MAST3: variants seen among roughly 807,000 people sequenced by gnomAD.
MAST3 encodes the protein microtubule-associated serine/threonine-protein kinase 3.
Under a neutral mutation model 127.0 loss-of-function variants are expected in MAST3, and 43 were observed. The observed-to-expected ratio is 0.34, with a 90% CI of 0.27 to 0.44. The LOEUF is 0.44. Among genes scored for constraint, MAST3 ranks in the 20% least tolerant of loss-of-function variants. MAST3 has a pLI of 1.00. For synonymous variants in MAST3, 785 were observed against 809.2 expected (o/e 0.97, Z 0.51); for missense variants, 1,390 against 1,919.1 (o/e 0.72, Z 5.15).
chr19:18,144,512 C>T lies in MAST3; in HGVS notation c.2631C>T (p.Ile877=), dbSNP rs765399056. Residue 877 remains isoleucine (I), a synonymous_variant, in exon 23 of 28, where the codon ATC becomes ATT. Transcript: ENST00000687212. This position sits in a 1 kb window ranked among gnomAD's most constrained non-coding sequence, Gnocchi z 4.0. ...ACGCCCGCCTACGGAGCAATAGCAT[C>T]GGCGCCCGACACTCCACACCAAGGC... ...LSHARLRSNS[I]GARHSTPRPL... The T allele has an allele frequency of 6.0e-5, 96 of 1,605,998 alleles. No homozygotes were observed. Among genetic ancestry groups the T allele is most frequent in the Non-Finnish European group, 7.7e-5 (91 of 1,177,816 alleles).
chr19:18,131,896 G>A lies in MAST3; in HGVS notation c.1433-13G>A, dbSNP rs1237713553. ...TGCCCCGGGCCTCATGACTACATCC[G>A]CCCTTCTCCCAGGCGGCGACTGCGC... On this transcript the variant is annotated splice_polypyrimidine_tract_variant and intron_variant, in intron 14 of 27. Transcript: ENST00000687212. 1.9e-6 allele frequency: 3 copies of A among 1,564,140 alleles called. No individual in the cohort carries two copies. The highest frequency in any genetic ancestry group is 1.2e-5 in the South Asian group (1 of 86,218).
At chr19:18,126,654 A>T (rs2040658461) in intron 11 of MAST3, among the ~76,000 whole-genome samples, 1 of 152,170 alleles carries the variant, frequency 6.6e-6, no homozygotes, top group African/African-American at 2.4e-5. Flanking sequence ...CTATAGTCCT[A>T]GCTACTTGCG....
chr19:18,116,090 C>CTTTTTTTTTTT lies in MAST3; in HGVS notation c.161+5360_161+5370dup, dbSNP rs3048876. On this transcript the variant is annotated intron_variant, in intron 3 of 27. Coordinates refer to ENST00000687212, the MANE Select transcript of MAST3 (RefSeq NM_001393504.1). ...TCTCAGCCTTGGTATTTGAAATTAT[C>CTTTTTTTTTTT]TTTTTTTTTTTTTTTTTTTTTGAGA... Among the ~76,000 whole-genome samples the CTTTTTTTTTTT allele has an allele frequency of 8.6e-4, 74 of 86,348 alleles. 8 individuals are homozygous for CTTTTTTTTTTT. Among genetic ancestry groups the CTTTTTTTTTTT allele is most frequent in the African/African-American group, 2.9e-3 (54 of 18,376 alleles). 56.6% of individuals were successfully genotyped at this position (86,348 alleles called of 152,430 possible).
At position 18,102,481 on chromosome 19, in the gene MAST3, C is replaced by CT. The variant is rs147386221; in HGVS notation, c.39+4668dup. 8.5e-3 allele frequency among the ~76,000 whole-genome samples: 1,121 copies of CT among 131,694 alleles called. 16 individuals are homozygous for CT. Among genetic ancestry groups the CT allele is most frequent in the African/African-American group, 0.021 (739 of 35,730 alleles). The allele number at this position is 131,694 out of a possible 152,430, so 86.4% of individuals were successfully genotyped here. ...GGCATGAGCCACTGCGCCCGGCCACCTTTTTTTTTTTTTTTTTTGAGACGG... is the reference window on the plus strand; with the variant it reads ...GGCATGAGCCACTGCGCCCGGCCACCTTTTTTTTTTTTTTTTTTTGAGACGG... On this transcript the variant is annotated intron_variant, in intron 1 of 27. Coordinates refer to ENST00000687212, the MANE Select transcript of MAST3 (RefSeq NM_001393504.1).
At chr19:18,119,176 T>G (rs1240428268) in intron 3 of MAST3, among the ~76,000 whole-genome samples, 1 of 152,182 alleles carries the variant, frequency 6.6e-6, no homozygotes, top group Admixed American at 6.5e-5. Flanking sequence ...CAGATGATGC[T>G]TAGTTCTCCT....
In MAST3 at chr19:18,110,781, C is replaced by T. The variant is rs1054043472; in HGVS notation, c.161+40C>T. The T allele has an allele frequency of 3.2e-6, 3 of 941,894 alleles. No individual in the cohort carries two copies. In the African/African-American group the frequency reaches 5.3e-5, roughly 17 times the overall value. The allele number at this position is 941,894 out of a possible 1,614,324, so 58.3% of individuals were successfully genotyped here. On this transcript the variant is annotated intron_variant, in intron 3 of 27. Transcript: ENST00000687212. This position sits in a 1 kb window ranked among gnomAD's most constrained non-coding sequence, Gnocchi z 4.3. ...GTGTGGGCGGGGCGCAGACATCGCC[C>T]TGGCACCCCAGAGCCTTGGAAACCC...
chr19:18,117,970 G>C (rs952058011), intron 3 of MAST3: 6 of 295,666 alleles, frequency 2.0e-5, no homozygotes, highest in African/African-American at 1.4e-4. Context: ...GCCCCCAACG[G>C]CCCCGCCCCC....
chr19:18,100,973 A>C (rs2037556300), intron 1 of MAST3, among the ~76,000 whole-genome samples: 1 of 152,204 alleles, frequency 6.6e-6, no homozygotes, highest in South Asian at 2.1e-4. Context: ...GAAAGGTCTG[A>C]AAAAGGATCC....
chr19:18,138,234 C>A (rs1303087400), intron 19 of MAST3, among the ~76,000 whole-genome samples: 1 of 145,824 alleles, frequency 6.9e-6, no homozygotes, highest in Non-Finnish European at 1.5e-5. Context: ...AAAAAAGATG[C>A]GCAATTTTAC....
chr19:18,130,911 T>A (rs905399167), intron 14 of MAST3, among the ~76,000 whole-genome samples: 1 of 152,034 alleles, frequency 6.6e-6, no homozygotes, highest in African/African-American at 2.4e-5. Context: ...TGTGTGAGGA[T>A]GGGACCCTGG....
chr19:18,117,356 T>C (rs537164033), intron 3 of MAST3, among the ~76,000 whole-genome samples: 54 of 152,338 alleles, frequency 3.5e-4, no homozygotes, highest in Middle Eastern at 6.8e-3. Flanking sequence ...TTGAGGAGAC[T>C]GAGGCTGGAG....
At chr19:18,099,502 GT>G (rs1455273669) in intron 1 of MAST3, among the ~76,000 whole-genome samples, 1 of 152,016 alleles carries the variant, frequency 6.6e-6, no homozygotes, top group Non-Finnish European at 1.5e-5. Flanking sequence ...CTGTTCCATG[GT>G]GGGGGGGTCA....
intron 5 of MAST3, 195 bp downstream of exon 5, chr19:18,122,117 C>G: frequency 1.0e-6 from 1 of 985,170 alleles, no homozygotes; most frequent in Non-Finnish European, 1.2e-6. Flanking sequence ...CCACATCCCA[C>G]GCATGGACAG....
At chr19:18,143,405 G>A (rs570851563) in intron 21 of MAST3, among the ~76,000 whole-genome samples, 13 of 152,198 alleles carry the variant, frequency 8.5e-5, no homozygotes, top group African/African-American at 1.7e-4. Context: ...GTGTAACCCC[G>A]TCTCTACTAA....
rs2037469931 is a variant in MAST3 at position 18,100,158 on chromosome 19, T to C, written c.39+2327T>C. On this transcript the variant is annotated intron_variant, in intron 1 of 27. Transcript: ENST00000687212. ...TTTTTTTTTTGAGAAAGAATCATGC[T>C]CTGTTACCCAGGCTGGAGTCCAGTG... 2.7e-5 allele frequency among the ~76,000 whole-genome samples: 4 copies of C among 146,752 alleles called. No individual in the cohort carries two copies. In the South Asian group the frequency reaches 8.5e-4, roughly 31 times the overall value.
chr19:18,104,745 TCCCTGCCAGTAAAACAGC>T (rs1298750828), intron 1 of MAST3, among the ~76,000 whole-genome samples: 2 of 152,118 alleles, frequency 1.3e-5, no homozygotes, highest in African/African-American at 4.8e-5. Flanking sequence ...CACCTAAGTT[TCCCTGCCAGTAAAACAGC>T]CCCTGCCCGC....
chr19:18,150,939 C>G lies in MAST3; in HGVS notation c.*1213C>G, dbSNP rs564558296. Reference sequence around the variant, plus strand: ...ACGTCCAGCTACTTCCAGAAACACTCAGTGTCCCCTCCCCTCAGGCTCTGC... The same window carrying G: ...ACGTCCAGCTACTTCCAGAAACACTGAGTGTCCCCTCCCCTCAGGCTCTGC... On this transcript the variant is annotated 3_prime_UTR_variant, in exon 28 of 28. Transcript: ENST00000687212. The G allele has an allele frequency of 2.0e-5, 3 of 152,476 alleles. No individual in the cohort carries two copies. The highest frequency in any genetic ancestry group is 2.0e-4 in the Admixed American group (3 of 15,304). 9.4% of individuals were successfully genotyped at this position (152,476 alleles called of 1,614,324 possible).
intron 3 of MAST3, among the ~76,000 whole-genome samples, chr19:18,111,530 C>CTTTTT (rs576984210): frequency 0.015 from 1,530 of 103,074 alleles, 116 homozygotes; most frequent in African/African-American, 0.021. Context: ...TTTCCACAGA[C>CTTTTT]TTTTTTTTTT....
chr19:18,100,128 C>CTCTCTTTTTTTTTTTTTTTT (rs776661078), intron 1 of MAST3, among the ~76,000 whole-genome samples: 8 of 121,716 alleles, frequency 6.6e-5, no homozygotes, highest in Admixed American at 1.9e-4. Context: ...CTCTCTCTCT[C>CTCTCTTTTTTTTTTTTTTTT]TTTTTTTTTT....
Sources: allele counts gnomAD v4.1 joint callset (sites outside exome capture counted in the v4.1 genomes callset), GRCh38; gene constraint gnomAD v4.1.1; non-coding constraint Gnocchi (gnomAD v3.1); transcripts MANE v1.5; gene names NCBI Gene and HGNC (gene_info 2026-07-23, HGNC 2026-07-21).